Variants in ADD2 observed in about 807,000 individuals in gnomAD.
ADD2 encodes the protein beta-adducin.
A neutral mutation model predicts 83.0 loss-of-function variants in ADD2; 23 were observed. The ratio of observed to expected loss-of-function variants is 0.28; its 90% CI spans 0.20 to 0.39. The LOEUF is 0.39. Among genes scored for constraint, ADD2 ranks in the 10% least tolerant of loss-of-function variants. The pLI is 1.00. For synonymous variants in ADD2, 375 were observed against 375.4 expected, an observed-to-expected ratio of 1.00 and a Z score of 0.01; for missense variants, 758 against 944.9, an observed-to-expected ratio of 0.80 and a Z score of 2.59.
At chr2:70,693,286 G>A (rs996946354) in intron 6 of ADD2, among the ~76,000 whole-genome samples, 11 of 152,146 alleles carry the variant, frequency 7.2e-5, no homozygotes, top group African/African-American at 1.4e-4. Context: ...CCGATTTCCC[G>A]GAGTGCAATC....
chr2:70,710,559 A>G (rs1672129744), intron 2 of ADD2, among the ~76,000 whole-genome samples: 1 of 152,214 alleles, frequency 6.6e-6, no homozygotes, highest in Non-Finnish European at 1.5e-5. Context: ...CAGGGGCCTG[A>G]GCCAACCCTT....
intron 1 of ADD2, among the ~76,000 whole-genome samples, chr2:70,713,656 T>C (rs1672315397): frequency 6.6e-6 from 1 of 152,058 alleles, no homozygotes; most frequent in Admixed American, 6.5e-5. Flanking sequence ...ACAATTGGGA[T>C]CAAAATTCCT....
At chr2:70,667,425 G>A (rs114242301) in intron 15 of ADD2, among the ~76,000 whole-genome samples, 3,216 of 152,236 alleles carry the variant, frequency 0.021, 115 homozygotes, top group African/African-American at 0.073. Flanking sequence ...TGTGGGAGGC[G>A]CAGAGCTGGT....
At chr2:70,720,456 G>GA (rs1672680308) in intron 1 of ADD2, among the ~76,000 whole-genome samples, 1 of 152,146 alleles carries the variant, frequency 6.6e-6, no homozygotes, top group Non-Finnish European at 1.5e-5. Context: ...AAAAATAGGA[G>GA]AGATGTTGTT....
chr2:70,750,551 A>G (rs1674457912), intron 1 of ADD2, among the ~76,000 whole-genome samples: 1 of 152,208 alleles, frequency 6.6e-6, no homozygotes, highest in Non-Finnish European at 1.5e-5. Flanking sequence ...ATGTGATGAC[A>G]GAGGTAGAGA....
chr2:70,666,049 C>T (rs1194499366), intron 15 of ADD2, among the ~76,000 whole-genome samples: 2 of 152,058 alleles, frequency 1.3e-5, no homozygotes, highest in East Asian at 3.9e-4. Context: ...CTCCTGACCT[C>T]GTGATCCGCC....
At chr2:70,680,614 G>A (rs1670408814) in intron 10 of ADD2, among the ~76,000 whole-genome samples, 1 of 152,142 alleles carries the variant, frequency 6.6e-6, no homozygotes, top group Non-Finnish European at 1.5e-5. Flanking sequence ...TTACCCTATT[G>A]AAGCTTTCTA....
At chr2:70,737,819 C>A (rs1294447674) in intron 1 of ADD2, among the ~76,000 whole-genome samples, 2 of 152,146 alleles carry the variant, frequency 1.3e-5, no homozygotes, top group African/African-American at 4.8e-5. Flanking sequence ...CCAAAAAATT[C>A]TTCTGATTGT....
Position 70,678,960 on chromosome 2 carries a change from C to A in ADD2, c.1127G>T (p.Gly376Val). The part of the protein sequence containing the change: ...EALMRMLDNL[G>V]YRTGYTYRHP... ...GCGATACGTGTAACCTGTTCTGTAG[C>A]CCTATAAAGGACAAAAATAGAACCA... The change falls in exon 11 of 16, where the codon GGC becomes GTC. Residue 376 changes from glycine to valine, a missense_variant and splice_region_variant. By Grantham distance (109) the Gly-to-Val change is moderately radical. Coordinates refer to ENST00000264436, the MANE Select transcript of ADD2 (RefSeq NM_001617.4). 6.2e-7 allele frequency: 1 copy of A among 1,605,296 alleles called. No homozygotes were observed. Among genetic ancestry groups the A allele is most frequent in the Non-Finnish European group, 8.5e-7 (1 of 1,175,962 alleles).
intron 15 of ADD2, 31 bp downstream of exon 15, chr2:70,672,847 C>T (rs1224142974): frequency 6.3e-7 from 1 of 1,586,446 alleles, no homozygotes; most frequent in Non-Finnish European, 8.6e-7. Context: ...CACCCCTCTC[C>T]CTCCCTCCCA....
At chr2:70,736,322 G>C (rs184337364) in intron 1 of ADD2, among the ~76,000 whole-genome samples, 232 of 152,318 alleles carry the variant, frequency 1.5e-3, no homozygotes, top group African/African-American at 4.9e-3. Context: ...TCATCAAGTA[G>C]TGTTAAAATG....
Position 70,695,539 on chromosome 2 carries a change from T to C in ADD2, c.555+182A>G, listed in dbSNP as rs188664116. Among the ~76,000 whole-genome samples, 90 of 152,286 alleles carry C rather than the reference T, an allele frequency of 5.9e-4. 1 individual carries two copies. Among genetic ancestry groups the C allele is most frequent in the Non-Finnish European group, 1.1e-3 (75 of 68,016 alleles). On this transcript the variant is annotated intron_variant, in intron 6 of 15. Transcript: ENST00000264436. ...TGCACTTGCCACCTCCTCCTGGCAA[T>C]TGGTCTCTTGGTCGCATCATGCTCT... is the stretch of plus-strand genomic sequence containing the variant.
Position 70,704,451 on chromosome 2 carries a change from C to T in ADD2, c.192G>A (p.Arg64=), listed in dbSNP as rs1405611230. The change falls in exon 4 of 16, where the codon AGG becomes AGA. Residue 64 remains arginine (R), a synonymous_variant. Coordinates refer to ENST00000264436, the MANE Select transcript of ADD2 (RefSeq NM_001617.4). ...CCTGGATGAGGCCTTCCAGCTCCTC[C>T]CTGAAAGACTGAAGCAGGCCCCGAG... The part of the protein sequence containing the change: ...VTMILQSPSF[R]EELEGLIQEQ... The T allele has an allele frequency of 3.1e-6, 5 of 1,614,014 alleles. No individual in the cohort carries two copies. Among genetic ancestry groups the T allele is most frequent in the East Asian group, 2.2e-5 (1 of 44,888 alleles).
chr2:70,678,639 A>G, intron 11 of ADD2, 65 bp downstream of exon 11: 2 of 1,502,166 alleles, frequency 1.3e-6, no homozygotes, highest in Non-Finnish European at 1.8e-6. Flanking sequence ...CCGTTTTAAA[A>G]ATGCTTCACC....
Position 70,676,441 on chromosome 2 carries a change from G to A in ADD2, c.1593+355C>T, listed in dbSNP as rs1553368266. ...GACTCTCAGGGCTGGGCACACCTGG[G>A]GCACCTGGGAGTCTCCAGCCCCAAG... On this transcript the variant is annotated intron_variant, in intron 13 of 15. Coordinates refer to ENST00000264436, the MANE Select transcript of ADD2 (RefSeq NM_001617.4). This position sits in a 1 kb window ranked among gnomAD's most constrained non-coding sequence, Gnocchi z 4.8. 8.1e-7 allele frequency: 1 copy of A among 1,233,194 alleles called. No homozygotes were observed. The highest frequency in any genetic ancestry group is 1.5e-5 in the African/African-American group (1 of 65,880). The allele number at this position is 1,233,194 out of a possible 1,614,324, so 76.4% of individuals were successfully genotyped here.
chr2:70,663,391 G>A lies in ADD2; in HGVS notation c.*34C>T. On this transcript the variant is annotated 3_prime_UTR_variant, in exon 16 of 16. Coordinates refer to ENST00000264436, the MANE Select transcript of ADD2 (RefSeq NM_001617.4). Reference sequence around the variant, plus strand: ...TGGGAGAAGGGAAGGGGAGGAGAGAGAGGAGGCAGGAGGGAGCCCAAGGGT... The same window carrying A: ...TGGGAGAAGGGAAGGGGAGGAGAGAAAGGAGGCAGGAGGGAGCCCAAGGGT... 6.3e-7 allele frequency: 1 copy of A among 1,576,034 alleles called. No homozygotes were observed. Among genetic ancestry groups the A allele is most frequent in the Non-Finnish European group, 8.7e-7 (1 of 1,155,396 alleles).
chr2:70,692,114 G>A (rs969511135), intron 7 of ADD2, among the ~76,000 whole-genome samples: 9 of 152,208 alleles, frequency 5.9e-5, no homozygotes, highest in African/African-American at 2.2e-4. Context: ...CGTGGGGGCA[G>A]GCCCCACGCC....
intron 1 of ADD2, among the ~76,000 whole-genome samples, chr2:70,766,464 T>G (rs1009906062): frequency 6.6e-6 from 1 of 152,236 alleles, no homozygotes; most frequent in Non-Finnish European, 1.5e-5. Flanking sequence ...ATTATTCATA[T>G]GCTAATGGAG....
At chr2:70,721,895 G>A (rs1672746572) in intron 1 of ADD2, among the ~76,000 whole-genome samples, 3 of 152,098 alleles carry the variant, frequency 2.0e-5, no homozygotes. Flanking sequence ...ACTAACATCA[G>A]ACTTAAGGAA....
Sources: allele counts gnomAD v4.1 joint callset (sites outside exome capture counted in the v4.1 genomes callset), GRCh38; gene constraint gnomAD v4.1.1; non-coding constraint Gnocchi (gnomAD v3.1); transcripts MANE v1.5; gene names NCBI Gene and HGNC (gene_info 2026-07-23, HGNC 2026-07-21).